COL12A1: variants seen among roughly 807,000 people sequenced by gnomAD.
COL12A1 encodes the protein collagen alpha-1(XII) chain.
COL12A1 carries 114 observed loss-of-function variants against 349.7 expected under a neutral mutation model. That is an observed-to-expected ratio of 0.33 (90% CI 0.28 to 0.38). COL12A1 has a LOEUF of 0.38. Ranked by LOEUF, COL12A1 falls within the 10% of genes least tolerant of loss-of-function variation. The pLI, the probability that COL12A1 is intolerant of heterozygous loss-of-function variation, is 1.00. For synonymous variants in COL12A1, 1,369 were observed against 1,329.0 expected (o/e 1.03, Z -0.66); for missense variants, 3,284 against 3,756.9 (o/e 0.87, Z 3.29).
At chr6:75,187,054 T>C (rs1769661997) in intron 8 of COL12A1, among the ~76,000 whole-genome samples, 1 of 151,828 alleles carries the variant, frequency 6.6e-6, no homozygotes, top group Admixed American at 6.6e-5. Context: ...AAATGATCTG[T>C]ACAACAAGCC....
chr6:75,156,790 T>C (rs919187786), intron 14 of COL12A1, among the ~76,000 whole-genome samples: 1 of 152,212 alleles, frequency 6.6e-6, no homozygotes, highest in Non-Finnish European at 1.5e-5. Flanking sequence ...CTAGAGACTT[T>C]AGTAAAGAAA....
At chr6:75,138,717 A>G (rs560617176) in intron 28 of COL12A1, 105 bp downstream of exon 28, 1 of 1,565,578 alleles carries the variant, frequency 6.4e-7, no homozygotes, top group Admixed American at 1.8e-5. Flanking sequence ...CTCAAATGTC[A>G]ATAAATGCTT....
In COL12A1 at chr6:75,175,160, C is replaced by T. The variant is rs370388701; in HGVS notation, c.2588G>A (p.Gly863Glu). 8.0e-5 allele frequency: 129 copies of T among 1,614,170 alleles called. No individual in the cohort carries two copies. The African/African-American group carries it at 1.6e-3, about 20-fold the overall frequency. The change falls in exon 13 of 66, where the codon GGA becomes GAA. Residue 863 changes from glycine (G) to glutamate (E), a missense_variant. By Grantham distance (98) the Gly-to-Glu change is moderately conservative. Around this residue, in one of 2 missense-constraint regions of COL12A1, gnomAD observed 2,601 missense variants for 2,824.8 expected, o/e 0.92. Coordinates refer to ENST00000322507, the MANE Select transcript of COL12A1 (RefSeq NM_004370.6). ...CTGCAGCACCGTATTGGTTGTATCTCCCCTCACAGTGACCTCTTGAGTTTC... is the reference window on the plus strand; with the variant it reads ...CTGCAGCACCGTATTGGTTGTATCTTCCCTCACAGTGACCTCTTGAGTTTC... ...GGETQEVTVR[G>E]DTTNTVLQGL...
At chr6:75,145,036 C>A (rs1410513775) in intron 25 of COL12A1, among the ~76,000 whole-genome samples, 2 of 152,256 alleles carry the variant, frequency 1.3e-5, no homozygotes, top group East Asian at 3.9e-4. Flanking sequence ...TTATGCTGTA[C>A]ATTCTGATTG....
Position 75,086,077 on chromosome 6 carries a change from G to C in COL12A1, c.*470C>G, listed in dbSNP as rs1562080347. ...CGGCATAGAGCAAGCGGCAGGCTTT[G>C]ATGCAGAAGCTTATTGTAGAATTGT... On this transcript the variant is annotated 3_prime_UTR_variant, in exon 66 of 66. Transcript: ENST00000322507. 6.5e-6 allele frequency: 1 copy of C among 152,678 alleles called. No individual in the cohort carries two copies. Among genetic ancestry groups the C allele is most frequent in the Non-Finnish European group, 1.5e-5 (1 of 68,346 alleles). The allele number at this position is 152,678 out of a possible 1,614,324, so 9.5% of individuals were successfully genotyped here.
In COL12A1 at chr6:75,090,053, A is replaced by C. The variant is rs1767681134; in HGVS notation, c.8941+57T>G. The stretch of plus-strand genomic sequence containing the variant: ...TTTCAGATGCCTTCAACCTGTCCCA[A>C]CTCCTACATTTGCAAATTCCTTCCT... On this transcript the variant is annotated intron_variant, in intron 63 of 65. Transcript: ENST00000322507. This position sits in a 1 kb window ranked among gnomAD's most constrained non-coding sequence, Gnocchi z 4.1. 6.3e-7 allele frequency: 1 copy of C among 1,589,712 alleles called. No individual in the cohort carries two copies. Among genetic ancestry groups the C allele is most frequent in the Non-Finnish European group, 8.6e-7 (1 of 1,162,836 alleles).
intron 8 of COL12A1, 61 bp downstream of exon 8, chr6:75,188,301 C>T (rs979561489): frequency 7.4e-6 from 11 of 1,487,678 alleles, no homozygotes; most frequent in Non-Finnish European, 1.0e-5. Context: ...TCTAAGATAA[C>T]TATAAATACT....
chr6:75,156,652 G>T, intron 14 of COL12A1, 129 bp from the exon 15 acceptor site: 1 of 867,144 alleles, frequency 1.2e-6, no homozygotes, highest in Non-Finnish European at 1.7e-6. Flanking sequence ...GCTTAGCATT[G>T]TAATCTCTCA....
chr6:75,153,875 C>A (rs962137252), intron 17 of COL12A1, among the ~76,000 whole-genome samples: 4 of 151,996 alleles, frequency 2.6e-5, no homozygotes, highest in Non-Finnish European at 4.4e-5. Context: ...ATTTATGTAA[C>A]CTAACACTGC....
At chr6:75,112,057 T>G (rs1303541165) in intron 51 of COL12A1, among the ~76,000 whole-genome samples, 1 of 151,806 alleles carries the variant, frequency 6.6e-6, no homozygotes, top group East Asian at 1.9e-4. Context: ...CTTTTATGTA[T>G]AAGGGCTAAT....
intron 2 of COL12A1, among the ~76,000 whole-genome samples, chr6:75,199,865 T>G (rs2149489404): frequency 1.3e-5 from 2 of 152,118 alleles, no homozygotes; most frequent in East Asian, 3.9e-4. Flanking sequence ...GACAAAAATA[T>G]TACCACTATA....
intron 31 of COL12A1, among the ~76,000 whole-genome samples, chr6:75,135,804 A>G (rs1293014650): frequency 6.6e-6 from 1 of 152,340 alleles, no homozygotes; most frequent in East Asian, 1.9e-4. Flanking sequence ...ATTTGAGGTT[A>G]TGAGAGAAAA....
chr6:75,189,151 T>A (rs1372277928), intron 7 of COL12A1, 66 bp downstream of exon 7: 1 of 1,504,886 alleles, frequency 6.6e-7, no homozygotes, highest in Non-Finnish European at 9.0e-7. Context: ...CAATCTTTCA[T>A]CTTCCTAAAC....
intron 13 of COL12A1, among the ~76,000 whole-genome samples, chr6:75,169,469 T>C (rs1018378849): frequency 2.0e-5 from 3 of 152,182 alleles, no homozygotes; most frequent in Non-Finnish European, 4.4e-5. Flanking sequence ...CTTTTTGCCA[T>C]GTAGTCACTA....
Position 75,117,420 on chromosome 6 carries a change from T to C in COL12A1, c.7481A>G (p.Asp2494Gly). The change falls in exon 47 of 66, where the codon GAC (aspartate) becomes GGC (glycine). Residue 2494 changes from aspartate (D) to glycine (G), a missense_variant. By Grantham distance (94) the Asp-to-Gly change is moderately conservative (BLOSUM62 -1). Coordinates refer to ENST00000322507, the MANE Select transcript of COL12A1 (RefSeq NM_004370.6). The part of the protein sequence containing the change: ...DDFESFEKIE[D>G]NLITFVCETA... The stretch of plus-strand genomic sequence containing the variant: ...TTCACAAACAAATGTAATAAGATTG[T>C]CTTCGATCTTCTCAAAAGATTCAAA... The C allele has an allele frequency of 1.2e-6, 2 of 1,613,682 alleles. No individual in the cohort carries two copies. The highest frequency in any genetic ancestry group is 1.7e-6 in the Non-Finnish European group (2 of 1,179,660).
intron 32 of COL12A1, among the ~76,000 whole-genome samples, chr6:75,134,218 A>G (rs1766465190): frequency 6.6e-6 from 1 of 152,156 alleles, no homozygotes; most frequent in Admixed American, 6.5e-5. Flanking sequence ...TTTCTATCCT[A>G]GAAAGTAACA....
intron 39 of COL12A1, among the ~76,000 whole-genome samples, chr6:75,125,624 T>C (rs768103922): frequency 2.0e-5 from 3 of 152,144 alleles, no homozygotes; most frequent in Non-Finnish European, 2.9e-5. Flanking sequence ...TTTTCATTTA[T>C]TGTAGAGATA....
rs1280560910 is a variant in COL12A1, at chr6:75,138,575, G to A, written c.5103C>T (p.Ile1701=). 1.2e-6 allele frequency: 2 copies of A among 1,613,492 alleles called. No individual in the cohort carries two copies. Among genetic ancestry groups the A allele is most frequent in the Non-Finnish European group, 1.7e-6 (2 of 1,179,832 alleles). ...CCAAAGTGTTTTCATCTCCATTTAA[G>A]ATGGTCTTGGAGAAAGAGGACAAAA... The part of the protein sequence containing the change: ...PFGSSDKMET[I]LNGDENTLVF... Residue 1701 remains isoleucine (I), a synonymous_variant, in exon 29 of 66, where the codon ATC becomes ATT. Transcript: ENST00000322507.
chr6:75,105,467 T>G (rs892549558), intron 53 of COL12A1, among the ~76,000 whole-genome samples, 175 bp from the exon 54 acceptor site: 1 of 152,202 alleles, frequency 6.6e-6, no homozygotes, highest in African/African-American at 2.4e-5. Flanking sequence ...TGTCTTTATT[T>G]TATGCATTAC....
Sources: gnomAD v4.1 joint callset for allele counts (sites outside exome capture counted in the v4.1 genomes callset) on GRCh38, gnomAD v4.1.1 for gene constraint, gnomAD v4.1.1 regional missense constraint, Gnocchi (gnomAD v3.1) non-coding constraint, MANE v1.5 for transcripts, NCBI Gene and HGNC (gene_info 2026-07-23, HGNC 2026-07-21) for gene names.